Variants in ABCC12 observed in about 807,000 individuals in gnomAD.
The protein encoded by ABCC12 is ATP binding cassette subfamily C member 12.
Under a neutral mutation model 151.1 loss-of-function variants are expected in ABCC12, and 142 were observed. That is an observed-to-expected ratio of 0.94 (90% CI 0.82 to 1.08). The LOEUF is 1.08. Ranked by LOEUF, ABCC12 falls within the 50% of genes least tolerant of loss-of-function variation. ABCC12 has a pLI of 0.00. For synonymous variants in ABCC12, 645 were observed against 646.4 expected (o/e 1.00, Z 0.03); for missense variants, 1,638 against 1,691.1 (o/e 0.97, Z 0.55).
Position 48,134,032 on chromosome 16 carries a change from G to T in ABCC12, c.980-197C>A, listed in dbSNP as rs74018254. 2.2e-3 allele frequency among the ~76,000 whole-genome samples: 336 copies of T among 152,270 alleles called. 2 individuals are homozygous for T. Among genetic ancestry groups the T allele is most frequent in the African/African-American group, 7.4e-3 (307 of 41,546 alleles). On this transcript the variant is annotated intron_variant, in intron 8 of 30. Transcript: ENST00000311303. ...CACAGCTCGGTACCTGTCAGCTGCC[G>T]TAAGTGGATGGTGTCCAACTTCCCT...
chr16:48,106,647 G>A (rs1567448198), intron 20 of ABCC12, among the ~76,000 whole-genome samples: 1 of 152,172 alleles, frequency 6.6e-6, no homozygotes, highest in Non-Finnish European at 1.5e-5. Context: ...ACCACCCTTT[G>A]GTTGTCATAG....
At chr16:48,109,606 C>T (rs930948342) in intron 18 of ABCC12, among the ~76,000 whole-genome samples, 1 of 152,256 alleles carries the variant, frequency 6.6e-6, no homozygotes, top group African/African-American at 2.4e-5. Flanking sequence ...AGGCACCTTG[C>T]TGAATAGAGC....
chr16:48,123,215 C>T (rs1964130414), intron 12 of ABCC12, among the ~76,000 whole-genome samples: 1 of 152,218 alleles, frequency 6.6e-6, no homozygotes, highest in Non-Finnish European at 1.5e-5. Context: ...GCTATCCGAG[C>T]AGTTGGGCCA....
intron 8 of ABCC12, among the ~76,000 whole-genome samples, chr16:48,135,525 C>A (rs758763415): frequency 7.9e-5 from 12 of 152,182 alleles, no homozygotes; most frequent in South Asian, 2.1e-4. Context: ...AGACCACAGG[C>A]ACATACCACC....
chr16:48,124,356 C>G (rs1054599849), intron 11 of ABCC12, 72 bp from the exon 12 acceptor site: 33 of 1,476,386 alleles, frequency 2.2e-5, no homozygotes, highest in African/African-American at 2.8e-5. Context: ...AAAGGTGCCA[C>G]TCCCAAACTA....
intron 24 of ABCC12, among the ~76,000 whole-genome samples, chr16:48,094,522 C>A (rs1285569985): frequency 6.6e-6 from 1 of 152,152 alleles, no homozygotes. Flanking sequence ...GGCTGATAGG[C>A]TCTGTATATA....
intron 15 of ABCC12, among the ~76,000 whole-genome samples, chr16:48,114,955 CT>C (rs1294394170): frequency 6.6e-6 from 1 of 152,196 alleles, no homozygotes; most frequent in African/African-American, 2.4e-5. Context: ...CCCCTTTCCC[CT>C]GGGGTGTGAT....
chr16:48,107,450 A>G, intron 19 of ABCC12, 25 bp from the exon 20 acceptor site: 6 of 1,600,456 alleles, frequency 3.7e-6, no homozygotes, highest in Non-Finnish European at 4.3e-6. Context: ...GAGAGGCCCA[A>G]GGGGCTGCAG....
At chr16:48,102,636 C>T (rs973883424) in intron 22 of ABCC12, among the ~76,000 whole-genome samples, 1 of 152,150 alleles carries the variant, frequency 6.6e-6, no homozygotes, top group African/African-American at 2.4e-5. Flanking sequence ...CCCAGAGCCA[C>T]ACCTGCCCCT....
Position 48,133,741 on chromosome 16 carries a change from G to A in ABCC12, c.1074C>T (p.Ile358=), listed in dbSNP as rs941006738. ...GGATGTGGCAGGATAATGTCAGCAC[G>A]ATGGCTATGGTGGACACGATGGGGG... is the stretch of plus-strand genomic sequence containing the variant. ...ALAPIVSTIA[I]VLTLSCHILL... The change falls in exon 9 of 31, where the codon ATC becomes ATT. Residue 358 remains isoleucine (I), a synonymous_variant. Coordinates refer to ENST00000311303, the MANE Select transcript of ABCC12 (RefSeq NM_001393797.1). The A allele has an allele frequency of 5.0e-6, 8 of 1,614,104 alleles. No individual in the cohort carries two copies. The highest frequency in any genetic ancestry group is 3.3e-5 in the Admixed American group (2 of 60,012).
At chr16:48,126,881 T>C (rs1227129031) in intron 11 of ABCC12, among the ~76,000 whole-genome samples, 1 of 152,190 alleles carries the variant, frequency 6.6e-6, no homozygotes, top group Admixed American at 6.5e-5. Context: ...ACATATGGAA[T>C]AGCACATTAG....
chr16:48,133,575 C>T, intron 9 of ABCC12, 112 bp downstream of exon 9: 1 of 1,304,096 alleles, frequency 7.7e-7, no homozygotes, highest in South Asian at 1.5e-5. Context: ...CTGTGGCCTG[C>T]CATGATTGGA....
rs577949496 is a variant in ABCC12, at chr16:48,094,018, C to T, written c.3195+2728G>A. 2.5e-3 allele frequency among the ~76,000 whole-genome samples: 381 copies of T among 152,272 alleles called. 2 individuals carry two copies. The highest frequency in any genetic ancestry group is 2.8e-3 in the Non-Finnish European group (191 of 68,018). ...CAGAGCCAGCTGGAGAACAAGTGTT[C>T]CCATAGATCTCAATGCTGTGCACAA... On this transcript the variant is annotated intron_variant, in intron 24 of 30. Transcript: ENST00000311303.
intron 2 of ABCC12, 55 bp from the exon 3 acceptor site, chr16:48,146,529 C>G (rs748556543): frequency 1.6e-4 from 139 of 888,622 alleles, no homozygotes; most frequent in Non-Finnish European, 2.2e-4. Context: ...TGATTGGGAT[C>G]AGGCAGCCTC....
chr16:48,108,885 T>C (rs1963590990), intron 18 of ABCC12, among the ~76,000 whole-genome samples: 1 of 152,162 alleles, frequency 6.6e-6, no homozygotes, highest in Admixed American at 6.5e-5. Flanking sequence ...GGGAGTAAGG[T>C]GTGTCACCAA....
In ABCC12 at chr16:48,146,387, T is replaced by A. The variant is rs1015096043; in HGVS notation, c.38A>T (p.Asp13Val). 4.3e-6 allele frequency: 7 copies of A among 1,614,046 alleles called. No individual in the cohort carries two copies. In the East Asian group the frequency reaches 6.7e-5, roughly 15 times the overall value. Residue 13 changes from aspartate (D) to valine (V), a missense_variant, in exon 3 of 31, where the codon GAC becomes GTC. Coordinates refer to ENST00000311303, the MANE Select transcript of ABCC12 (RefSeq NM_001393797.1). ...GEGPYLISDL[D>V]QRGRRRSFAE... ...AAAGGATCTCCGCCGGCCTCGCTGG[T>A]CCAGATCTGAGATAAGGTAGGGTCC... is the stretch of plus-strand genomic sequence containing the variant.
chr16:48,110,741 G>C (rs542647820), intron 18 of ABCC12, among the ~76,000 whole-genome samples: 2 of 152,110 alleles, frequency 1.3e-5, no homozygotes, highest in African/African-American at 4.8e-5. Flanking sequence ...CAGTCCGAAG[G>C]CCACCCCCTC....
At chr16:48,091,082 T>C (rs371058280) in intron 25 of ABCC12, 38 bp downstream of exon 25, 1 of 1,600,424 alleles carries the variant, frequency 6.2e-7, no homozygotes, top group Non-Finnish European at 8.6e-7. Context: ...CCTGCCAAAA[T>C]TAACTTGTCC....
At chr16:48,093,375 T>C (rs998272467) in intron 24 of ABCC12, among the ~76,000 whole-genome samples, 2 of 152,156 alleles carry the variant, frequency 1.3e-5, no homozygotes, top group African/African-American at 4.8e-5. Flanking sequence ...AGCCTTTCCC[T>C]GAGGCACTCT....
Sources: gnomAD v4.1 joint callset for allele counts (sites outside exome capture counted in the v4.1 genomes callset) on GRCh38, gnomAD v4.1.1 for gene constraint, MANE v1.5 for transcripts, NCBI Gene and HGNC (gene_info 2026-07-23, HGNC 2026-07-21) for gene names.